NBPF20: variants seen among roughly 807,000 people sequenced by gnomAD.
NBPF20 encodes NBPF member 20.
A neutral mutation model predicts 68.1 loss-of-function variants in NBPF20; 90 were observed. The observed-to-expected ratio is 1.32, with a 90% CI of 1.11 to 1.58. NBPF20 has a LOEUF of 1.58. NBPF20 is among the 40% of genes most tolerant of loss of function. The pLI is 0.00. For missense variants in NBPF20, 816 were observed against 601.2 expected (o/e 1.36, Z -3.74); for synonymous variants, 290 against 228.1 (o/e 1.27, Z -2.45).
chr1:145,291,793 G>A lies in NBPF20; in HGVS notation c.16698-24C>T, dbSNP rs782657048. The stretch of plus-strand genomic sequence containing the variant: ...GCCTGGAAAAGGAGACAAAACTAAA[G>A]AAGCAGCCAGGGAAAATCAGAAACC... On this transcript the variant is annotated intron_variant, in intron 137 of 137. Transcript: ENST00000369373. 3.1e-6 allele frequency: 5 copies of A among 1,611,788 alleles called. No individual in the cohort carries two copies. In the East Asian group the frequency reaches 6.7e-5, roughly 22 times the overall value.
At chr1:145,404,328 G>C (rs1370181898) in intron 2 of NBPF20, among the ~76,000 whole-genome samples, 2 of 151,604 alleles carry the variant, frequency 1.3e-5, no homozygotes, top group Admixed American at 6.6e-5. Context: ...GTGCAATCTT[G>C]GCTCACTGCA....
upstream of NBPF20, among the ~76,000 whole-genome samples, chr1:145,407,477 TATAC>T (rs1220256294): frequency 1.0e-4 from 15 of 145,400 alleles, no homozygotes; most frequent in South Asian, 1.7e-3. Flanking sequence ...ATATAATATA[TATAC>T]AAACACATGA....
the NBPF20 span, among the ~76,000 whole-genome samples, chr1:145,423,350 G>C: frequency 1.3e-5 from 2 of 151,088 alleles, no homozygotes; most frequent in South Asian, 2.1e-4. Flanking sequence ...GAGGCAGGAG[G>C]ATCACCTGAG....
chr1:145,402,452 A>T, intron 3 of NBPF20, 71 bp from the exon 9 acceptor site: 3 of 1,557,156 alleles, frequency 1.9e-6, no homozygotes, highest in East Asian at 4.5e-5. Context: ...TGCAACAGAG[A>T]TTTCTGAGAT....
At chr1:145,396,593 A>C (rs1370970213) in intron 7 of NBPF20, among the ~76,000 whole-genome samples, 10 of 152,008 alleles carry the variant, frequency 6.6e-5, no homozygotes, top group African/African-American at 2.4e-4. Context: ...TGCTAAGGGC[A>C]GCCAGAGAGA....
chr1:145,419,352 C>G, the NBPF20 span, among the ~76,000 whole-genome samples: 88 of 152,288 alleles, frequency 5.8e-4, no homozygotes, highest in African/African-American at 1.8e-3. Flanking sequence ...TTATTGGAGA[C>G]AGACGCACTA....
chr1:145,407,068 TTAATA>T (rs1253874470), upstream of NBPF20, among the ~76,000 whole-genome samples: 6 of 124,664 alleles, frequency 4.8e-5, no homozygotes, highest in Non-Finnish European at 9.8e-5. Flanking sequence ...TGGAGAGTGG[TTAATA>T]TTAACTTTTT....
chr1:145,291,791 A>C (rs1553657789), intron 137 of NBPF20, 22 bp from the exon 143 acceptor site: 1 of 1,611,980 alleles, frequency 6.2e-7, no homozygotes, highest in Non-Finnish European at 8.5e-7. Context: ...GACAAAACTA[A>C]AGAAGCAGCC....
chr1:145,394,244 A>T (rs1317543994), intron 8 of NBPF20, among the ~76,000 whole-genome samples: 6 of 151,682 alleles, frequency 4.0e-5, no homozygotes, highest in Non-Finnish European at 8.8e-5. Flanking sequence ...CTAACACCTC[A>T]TAGGAGAGAC....
intron 7 of NBPF20, among the ~76,000 whole-genome samples, chr1:145,395,916 GAA>G (rs1434705168): frequency 6.9e-6 from 1 of 145,428 alleles, no homozygotes; most frequent in Non-Finnish European, 1.5e-5. Flanking sequence ...CACAAAAGCT[GAA>G]AATTCCAAAA....
chr1:145,406,624 T>C (rs3961696), upstream of NBPF20, among the ~76,000 whole-genome samples: 7 of 150,224 alleles, frequency 4.7e-5, 1 homozygote, highest in African/African-American at 7.6e-5. Context: ...TTTTAAACTA[T>C]GCCAGGTGTG....
intron 3 of NBPF20, among the ~76,000 whole-genome samples, 184 bp downstream of exon 8, chr1:145,403,032 T>G (rs1327314937): frequency 1.2e-4 from 19 of 152,202 alleles, no homozygotes; most frequent in Admixed American, 3.3e-4. Context: ...GAGAAACAAC[T>G]GCAACCCATA....
intron 4 of NBPF20, among the ~76,000 whole-genome samples, chr1:145,401,471 A>C (rs1357396796): frequency 7.4e-6 from 1 of 134,834 alleles, no homozygotes; most frequent in Admixed American, 7.7e-5. Context: ...GTGTCCTGTC[A>C]CGGTTTGCAT....
In NBPF20 at chr1:145,291,853, G is replaced by A. The variant is rs587654198; in HGVS notation, c.16698-84C>T. 400 of 1,607,948 alleles carry A rather than the reference G, an allele frequency of 2.5e-4. 5 individuals are homozygous for A. In the South Asian group the frequency reaches 4.2e-3, roughly 17 times the overall value. ...CACTAGATTTCAGAAGTCACATAAG[G>A]AAGTGGTTAGAAAAGAAAAAGGATA... On this transcript the variant is annotated intron_variant, in intron 137 of 137. Transcript: ENST00000369373.
At chr1:145,419,030 AGAAAG>A in the NBPF20 span, among the ~76,000 whole-genome samples, 35 of 145,616 alleles carry the variant, frequency 2.4e-4, no homozygotes, top group East Asian at 6.2e-3. Context: ...AAAGAAAAGA[AGAAAG>A]GAAGAAAGGA....
At chr1:145,291,696 G>C in exon 138 of NBPF20, 2 of 1,611,912 alleles carry the variant, frequency 1.2e-6, no homozygotes, top group South Asian at 2.2e-5. Flanking sequence ...TACATTGACG[G>C]AGTAGAATAA....
intron 115 of NBPF20, among the ~76,000 whole-genome samples, chr1:145,309,497 C>CAG (rs1386710883): frequency 9.1e-5 from 7 of 77,156 alleles, no homozygotes; most frequent in African/African-American, 4.0e-4. Context: ...CACACACACA[C>CAG]AGAGAGAGAG....
chr1:145,291,528 A>C, exon 138 of NBPF20: 2 of 1,612,008 alleles, frequency 1.2e-6, no homozygotes, highest in East Asian at 4.5e-5. Flanking sequence ...AGGGCTGTTT[A>C]TTGTGGGAAT....
intron 2 of NBPF20, 66 bp downstream of exon 7, chr1:145,405,032 C>T (rs1558981133): frequency 4.4e-6 from 7 of 1,607,148 alleles, no homozygotes; most frequent in South Asian, 1.1e-5. Context: ...ATGGAGAGAG[C>T]ATTTAGTGTC....
Sources: gnomAD v4.1 joint callset for allele counts (sites outside exome capture counted in the v4.1 genomes callset) on GRCh38, gnomAD v4.1.1 for gene constraint, MANE v1.5 for transcripts, NCBI Gene and HGNC (gene_info 2026-07-23, HGNC 2026-07-21) for gene names.